Variants in HTR1F observed in about 807,000 individuals in gnomAD.
HTR1F encodes the protein 5-hydroxytryptamine (serotonin) receptor 1F, G protein-coupled.
HTR1F carries 17 observed loss-of-function variants against 24.0 expected under a neutral mutation model. That is an observed-to-expected ratio of 0.71 (90% CI 0.48 to 1.06). The LOEUF (loss-of-function observed/expected upper bound fraction) is 1.06. HTR1F is among the 50% of genes least tolerant of loss of function. HTR1F has a pLI of 0.00. For synonymous variants in HTR1F, 186 were observed against 156.8 expected (o/e 1.19, Z -1.39); for missense variants, 391 against 427.8 (o/e 0.91, Z 0.76).
intron 1 of HTR1F, among the ~76,000 whole-genome samples, chr3:87,794,426 G>C (rs1399285624): frequency 6.6e-6 from 1 of 152,132 alleles, no homozygotes; most frequent in African/African-American, 2.4e-5. Flanking sequence ...GGTTTTCTAA[G>C]CTTTGGGAGA....
In HTR1F at chr3:87,820,358, A is replaced by G. The variant is rs537627581; in HGVS notation, c.-159-1650A>G. The stretch of plus-strand genomic sequence containing the variant: ...CGCCCGGCTAATTTTTTGTATTTTT[A>G]GTAGAGACGGGGTTTCACCGTTTTA... On this transcript the variant is annotated intron_variant, in intron 1 of 2. Transcript: ENST00000319595. Among the ~76,000 whole-genome samples the G allele has an allele frequency of 1.4e-3, 206 of 151,618 alleles. 2 individuals are homozygous for G. The highest frequency in any genetic ancestry group is 3.2e-4 in the Non-Finnish European group (22 of 67,906).
intron 2 of HTR1F, among the ~76,000 whole-genome samples, chr3:87,925,277 T>A (rs982774520): frequency 2.0e-5 from 3 of 152,086 alleles, no homozygotes; most frequent in African/African-American, 4.8e-5. Flanking sequence ...AGAACAGTCC[T>A]TGGACTCTAG....
Position 87,991,874 on chromosome 3 carries a change from G to C in HTR1F, c.*24G>C, listed in dbSNP as rs755914450. 1.3e-6 allele frequency: 2 copies of C among 1,522,190 alleles called. No homozygotes were observed. The highest frequency in any genetic ancestry group is 8.8e-7 in the Non-Finnish European group (1 of 1,137,432). The allele number at this position is 1,522,190 out of a possible 1,614,324, so 94.3% of individuals were successfully genotyped here. On this transcript the variant is annotated 3_prime_UTR_variant, in exon 3 of 3. Coordinates refer to ENST00000319595, the MANE Select transcript of HTR1F (RefSeq NM_001322209.2). ...AGTTTTAAAAATGTTTATTATTGAA[G>C]GATGGGGGTTTTTGAGGGGAGGAAT...
In HTR1F at chr3:87,946,314, T is replaced by A. The variant is rs112298100; in HGVS notation, c.-42-44394T>A. On this transcript the variant is annotated intron_variant, in intron 2 of 2. Transcript: ENST00000319595. ...AAACACGGACCAGAAGAGAGTGCAG[T>A]TGCAAGATTTAATAGCCTGAAAACA... 4.7e-3 allele frequency among the ~76,000 whole-genome samples: 719 copies of A among 152,120 alleles called. 2 individuals carry two copies. Among genetic ancestry groups the A allele is most frequent in the African/African-American group, 0.017 (686 of 41,488 alleles).
chr3:87,869,382 TAGAC>T (rs2107248925), intron 2 of HTR1F, among the ~76,000 whole-genome samples: 1 of 123,218 alleles, frequency 8.1e-6, no homozygotes, highest in African/African-American at 4.0e-5. Context: ...GATAGATAGA[TAGAC>T]AAACAGATAG....
At chr3:87,847,851 C>T (rs1704981039) in intron 2 of HTR1F, among the ~76,000 whole-genome samples, 1 of 151,836 alleles carries the variant, frequency 6.6e-6, no homozygotes. Context: ...CAGTTCTATT[C>T]ATATTGCTGC....
At chr3:87,948,569 C>A (rs531116344) in intron 2 of HTR1F, among the ~76,000 whole-genome samples, 64 of 151,944 alleles carry the variant, frequency 4.2e-4, no homozygotes, top group Non-Finnish European at 6.0e-4. Context: ...GCAACCTTGA[C>A]CTCCTGGGCG....
At chr3:87,947,148 T>C (rs928942541) in intron 2 of HTR1F, among the ~76,000 whole-genome samples, 1 of 152,222 alleles carries the variant, frequency 6.6e-6, no homozygotes. Context: ...TTGTAGTGTT[T>C]TAACATATTT....
chr3:87,979,619 T>C (rs2880802), intron 2 of HTR1F, among the ~76,000 whole-genome samples: 88,871 of 152,070 alleles, frequency 0.58, 26,346 homozygotes, highest in South Asian at 0.73. Flanking sequence ...CTGTGGCCAG[T>C]AGCACCTTTG....
At chr3:87,825,086 T>C (rs1240755423) in intron 2 of HTR1F, among the ~76,000 whole-genome samples, 1 of 152,210 alleles carries the variant, frequency 6.6e-6, no homozygotes, top group South Asian at 2.1e-4. Context: ...AAATATGTCA[T>C]AGCAATAAAT....
In HTR1F at chr3:87,955,231, C is replaced by T. The variant is rs1704918555; in HGVS notation, c.-42-35477C>T. Reference sequence around the variant, plus strand: ...CCTTCCCTGCCTTTGTCTCTGGACTCTGGCAACCATTCATCTGCTTTTTCG... The same window carrying T: ...CCTTCCCTGCCTTTGTCTCTGGACTTTGGCAACCATTCATCTGCTTTTTCG... On this transcript the variant is annotated intron_variant, in intron 2 of 2. Transcript: ENST00000319595. Among the ~76,000 whole-genome samples the T allele has an allele frequency of 2.0e-5, 3 of 151,476 alleles. No individual in the cohort carries two copies. The South Asian group carries it at 6.2e-4, about 31-fold the overall frequency.
chr3:87,915,566 G>C (rs1209425771), intron 2 of HTR1F, among the ~76,000 whole-genome samples: 1 of 152,072 alleles, frequency 6.6e-6, no homozygotes, highest in East Asian at 1.9e-4. Context: ...AAATGCTCTG[G>C]AAAATCGGAA....
chr3:87,798,980 A>C (rs139375700), intron 1 of HTR1F, among the ~76,000 whole-genome samples: 2 of 152,288 alleles, frequency 1.3e-5, no homozygotes, highest in East Asian at 3.9e-4. Context: ...TGTTTTGGTC[A>C]AAGATCCTTT....
chr3:87,850,486 A>C lies in HTR1F; in HGVS notation c.-43+28362A>C, dbSNP rs191292592. On this transcript the variant is annotated intron_variant, in intron 2 of 2. Coordinates refer to ENST00000319595, the MANE Select transcript of HTR1F (RefSeq NM_001322209.2). ...GGTGGGGGGAGTGGAGAGGGATAAC[A>C]TTAGGAGATATACCTAATGTAAATG... is the stretch of plus-strand genomic sequence containing the variant. Among the ~76,000 whole-genome samples, 274 of 151,910 alleles carry C rather than the reference A, an allele frequency of 1.8e-3. 6 individuals carry two copies. The highest frequency in any genetic ancestry group is 6.8e-3 in the Middle Eastern group (2 of 294).
intron 2 of HTR1F, among the ~76,000 whole-genome samples, chr3:87,970,806 T>C (rs1705269546): frequency 6.6e-6 from 1 of 152,248 alleles, no homozygotes; most frequent in South Asian, 2.1e-4. Context: ...AGTTACCATG[T>C]GCTTCCCCAC....
intron 2 of HTR1F, among the ~76,000 whole-genome samples, chr3:87,908,511 T>C (rs948421812): frequency 2.0e-5 from 3 of 152,022 alleles, no homozygotes; most frequent in Non-Finnish European, 4.4e-5. Flanking sequence ...GTAATATAAT[T>C]AGTTTCCAAG....
intron 2 of HTR1F, among the ~76,000 whole-genome samples, chr3:87,924,585 T>G (rs1704082105): frequency 6.6e-6 from 1 of 152,196 alleles, no homozygotes. Context: ...TCCCTGTTTT[T>G]TCTTGTCTGG....
intron 2 of HTR1F, among the ~76,000 whole-genome samples, chr3:87,941,675 T>C (rs1031202140): frequency 1.3e-5 from 2 of 152,108 alleles, no homozygotes; most frequent in African/African-American, 4.8e-5. Flanking sequence ...GTTTGAAGGA[T>C]CTTCAAAGGT....
intron 2 of HTR1F, among the ~76,000 whole-genome samples, chr3:87,983,249 T>C (rs1026280240): frequency 1.3e-5 from 2 of 152,094 alleles, no homozygotes; most frequent in African/African-American, 4.8e-5. Context: ...AGAGGCCAGA[T>C]CCAGCAGGCA....
Sources: gnomAD v4.1 joint callset for allele counts (sites outside exome capture counted in the v4.1 genomes callset) on GRCh38, gnomAD v4.1.1 for gene constraint, MANE v1.5 for transcripts, NCBI Gene and HGNC (gene_info 2026-07-23, HGNC 2026-07-21) for gene names.